DIPK2A: variants seen among roughly 807,000 people sequenced by gnomAD.
The protein encoded by DIPK2A is Golgi Protein of 49 kDa.
A neutral mutation model predicts 39.0 loss-of-function variants in DIPK2A; 27 were observed. That is an observed-to-expected ratio of 0.69 (90% CI 0.51 to 0.96). The LOEUF is 0.96. Among genes scored for constraint, DIPK2A ranks in the 40% least tolerant of loss-of-function variants. The probability of loss-of-function intolerance (pLI) is 0.00; values close to 1 mark genes in which losing one functional copy is unlikely to be tolerated. For synonymous variants in DIPK2A, 298 were observed against 240.8 expected (o/e 1.24, Z -2.20); for missense variants, 528 against 571.3 (o/e 0.92, Z 0.77).
intron 1 of DIPK2A, among the ~76,000 whole-genome samples, chr3:143,983,777 T>TTTC (rs925536620): frequency 1.3e-5 from 2 of 152,192 alleles, no homozygotes; most frequent in African/African-American, 4.8e-5. Context: ...GAGCTGGTTT[T>TTTC]TTGAAAAGAT....
In DIPK2A at chr3:143,972,443, C is replaced by T. The variant is rs752491344; in HGVS notation, c.111C>T (p.Ala37=). The stretch of plus-strand genomic sequence containing the variant: ...TGCTGCACTCGCCGTCGCTGCTCGC[C>T]TCTTGGCAGCGCAACGAACTGACCG... ...LMVLHSPSLL[A]SWQRNELTDR... Residue 37 remains alanine, a synonymous_variant, in exon 1 of 3, where the codon GCC becomes GCT. Transcript: ENST00000315691. The T allele has an allele frequency of 3.1e-6, 5 of 1,595,084 alleles. No individual in the cohort carries two copies. Among genetic ancestry groups the T allele is most frequent in the South Asian group, 2.3e-5 (2 of 88,536 alleles).
At chr3:143,974,795 T>A (rs541197035) in intron 1 of DIPK2A, among the ~76,000 whole-genome samples, 2 of 152,348 alleles carry the variant, frequency 1.3e-5, no homozygotes, top group South Asian at 4.1e-4. Flanking sequence ...CAGTTCTTTT[T>A]AAGTGTAGTC....
intron 1 of DIPK2A, among the ~76,000 whole-genome samples, chr3:143,980,556 C>T (rs1209998489): frequency 2.6e-5 from 4 of 152,164 alleles, no homozygotes; most frequent in Non-Finnish European, 4.4e-5. Context: ...TGTGAAGCCA[C>T]CGCGCCTGGC....
Position 143,990,048 on chromosome 3 carries a change from T to C in DIPK2A, c.*207T>C, listed in dbSNP as rs1346185107. The C allele has an allele frequency of 7.3e-6, 4 of 551,688 alleles. No homozygotes were observed. Among genetic ancestry groups the C allele is most frequent in the Admixed American group, 3.3e-5 (1 of 30,760 alleles). 34.2% of individuals were successfully genotyped at this position (551,688 alleles called of 1,614,324 possible). On this transcript the variant is annotated 3_prime_UTR_variant, in exon 3 of 3. Transcript: ENST00000315691. ...GCTTCTGCAAATAAGTATGTTCTTA[T>C]ACTTTGGAGGCTTGAGCTGTCATCA...
At chr3:143,973,638 G>T in intron 1 of DIPK2A, 1 of 1,129,866 alleles carries the variant, frequency 8.9e-7, no homozygotes, top group Non-Finnish European at 1.3e-6. Context: ...CGTTGGACTT[G>T]GGGCTGGGAG....
chr3:143,988,957 T>A (rs1195506784), intron 2 of DIPK2A, among the ~76,000 whole-genome samples: 6 of 152,204 alleles, frequency 3.9e-5, no homozygotes, highest in Non-Finnish European at 8.8e-5. Flanking sequence ...ATTACACAAG[T>A]TACGACCTAT....
At chr3:143,973,337 C>T in intron 1 of DIPK2A, 6 of 1,541,516 alleles carry the variant, frequency 3.9e-6, no homozygotes, top group Non-Finnish European at 5.2e-6. Context: ...TTTTATCTGC[C>T]GGGGCTTGCA....
intron 1 of DIPK2A, among the ~76,000 whole-genome samples, chr3:143,976,909 T>G (rs2087738689): frequency 6.6e-6 from 1 of 152,072 alleles, no homozygotes. Context: ...ATGTTAGATA[T>G]TGAATAAAGT....
At chr3:143,988,901 A>G (rs1390479381) in intron 2 of DIPK2A, among the ~76,000 whole-genome samples, 6 of 152,098 alleles carry the variant, frequency 3.9e-5, no homozygotes, top group Non-Finnish European at 2.9e-5. Flanking sequence ...AATCCTTCCA[A>G]TCTTCAGCCC....
intron 2 of DIPK2A, among the ~76,000 whole-genome samples, chr3:143,986,648 C>T (rs1191249779): frequency 6.6e-6 from 1 of 151,414 alleles, no homozygotes; most frequent in Admixed American, 6.6e-5. Flanking sequence ...GGCGTGAACC[C>T]CAGGGGGCGG....
chr3:143,972,000 G>T lies in DIPK2A; in HGVS notation c.-333G>T, dbSNP rs1000938516. 1.8e-5 allele frequency: 5 copies of T among 282,184 alleles called. No homozygotes were observed. Among genetic ancestry groups the T allele is most frequent in the Admixed American group, 5.2e-5 (1 of 19,070 alleles). 17.5% of individuals were successfully genotyped at this position (282,184 alleles called of 1,614,324 possible). The stretch of plus-strand genomic sequence containing the variant: ...TGCGCGTGCGCGCGGGCACGGGCGC[G>T]CGACCGTCGGGTCCCCGCGCTCCCT... On this transcript the variant is annotated 5_prime_UTR_variant, in exon 1 of 3. Coordinates refer to ENST00000315691, the MANE Select transcript of DIPK2A (RefSeq NM_173552.5).
chr3:143,977,275 T>G (rs528119625), intron 1 of DIPK2A, among the ~76,000 whole-genome samples: 1 of 152,082 alleles, frequency 6.6e-6, no homozygotes, highest in East Asian at 1.9e-4. Flanking sequence ...TTAGATCCTT[T>G]TCAGCTCCAA....
chr3:143,979,181 C>T (rs961414700), intron 1 of DIPK2A, among the ~76,000 whole-genome samples: 12 of 152,080 alleles, frequency 7.9e-5, no homozygotes, highest in Admixed American at 3.3e-4. Flanking sequence ...ACTGTCCTTA[C>T]ATATACGTAA....
chr3:143,972,731 C>A lies in DIPK2A; in HGVS notation c.399C>A (p.Pro133=). 6.3e-7 allele frequency: 1 copy of A among 1,588,246 alleles called. No individual in the cohort carries two copies. Among genetic ancestry groups the A allele is most frequent in the Non-Finnish European group, 8.5e-7 (1 of 1,169,866 alleles). The change falls in exon 1 of 3, where the codon CCC becomes CCA. Residue 133 remains proline, a synonymous_variant. Transcript: ENST00000315691. ...QSICKRATGR[P]RCDLLQAMPR... ...TCTGCAAGCGGGCCACCGGCCGGCC[C>A]CGCTGCGACCTGCTGCAGGCCATGC... is the stretch of plus-strand genomic sequence containing the variant.
intron 1 of DIPK2A, among the ~76,000 whole-genome samples, chr3:143,976,553 TGTGAGAGA>T (rs1331708445): frequency 1.1e-4 from 11 of 103,594 alleles, no homozygotes; most frequent in Non-Finnish European, 1.3e-4. Context: ...TGTGTGTGTG[TGTGAGAGA>T]GAGAGAGAGA....
chr3:143,982,508 A>G (rs1559855482), intron 1 of DIPK2A, among the ~76,000 whole-genome samples: 1 of 152,202 alleles, frequency 6.6e-6, no homozygotes, highest in Non-Finnish European at 1.5e-5. Context: ...TAAGCTTCAT[A>G]AGCGAAGGAG....
chr3:143,978,694 A>G (rs550554942), intron 1 of DIPK2A, among the ~76,000 whole-genome samples: 1 of 136,176 alleles, frequency 7.3e-6, no homozygotes, highest in African/African-American at 2.9e-5. Context: ...ATATATATAT[A>G]TATATATACT....
At chr3:143,976,319 A>T (rs1329575553) in intron 1 of DIPK2A, among the ~76,000 whole-genome samples, 1 of 151,882 alleles carries the variant, frequency 6.6e-6, no homozygotes, top group Non-Finnish European at 1.5e-5. Flanking sequence ...TTTTTACTTC[A>T]CTAAGATGTG....
rs141112587 is a variant in DIPK2A, at chr3:143,985,433, A to G, written c.658-110A>G. On this transcript the variant is annotated intron_variant, in intron 1 of 2. Coordinates refer to ENST00000315691, the MANE Select transcript of DIPK2A (RefSeq NM_173552.5). ...TCTCTAATAAACTGTTGAATGTAAT[A>G]AGAAAATCCAAAGTCATTCCTAGTA... 608 of 943,410 alleles carry G rather than the reference A, an allele frequency of 6.4e-4. No individual in the cohort carries two copies. The African/African-American group carries it at 8.8e-3, about 14-fold the overall frequency. The allele number at this position is 943,410 out of a possible 1,614,324, so 58.4% of individuals were successfully genotyped here. A position where few individuals can be genotyped will look rare whatever the true frequency, so the allele number is the denominator to read the frequency against.
Sources: allele counts gnomAD v4.1 joint callset (sites outside exome capture counted in the v4.1 genomes callset), GRCh38; gene constraint gnomAD v4.1.1; transcripts MANE v1.5; gene names NCBI Gene and HGNC (gene_info 2026-07-23, HGNC 2026-07-21).